Variants in TAFA4 observed in about 807,000 individuals in gnomAD.
The protein encoded by TAFA4 is TAFA chemokine like family member 4.
Under a neutral mutation model 21.1 loss-of-function variants are expected in TAFA4, and 20 were observed. The observed-to-expected ratio is 0.95, with a 90% CI of 0.67 to 1.38. TAFA4 has a LOEUF of 1.38. Among genes scored for constraint, TAFA4 ranks in the 40% most tolerant of loss-of-function variants. The pLI, the probability that TAFA4 is intolerant of heterozygous loss-of-function variation, is 0.00. For synonymous variants in TAFA4, 71 were observed against 67.4 expected (o/e 1.05, Z -0.26); for missense variants, 211 against 180.9 (o/e 1.17, Z -0.95).
chr3:68,847,247 T>C (rs1175861776), intron 3 of TAFA4, among the ~76,000 whole-genome samples: 2 of 152,230 alleles, frequency 1.3e-5, no homozygotes, highest in Non-Finnish European at 2.9e-5. Context: ...GGAAGTCTGC[T>C]TACAGTGGCT....
intron 3 of TAFA4, among the ~76,000 whole-genome samples, chr3:68,846,694 T>C (rs1704808310): frequency 6.6e-6 from 1 of 152,192 alleles, no homozygotes; most frequent in Admixed American, 6.5e-5. Flanking sequence ...GACCTTTGGA[T>C]GGGCTTTCTG....
At chr3:68,926,057 C>T (rs892461899) in intron 1 of TAFA4, among the ~76,000 whole-genome samples, 5 of 152,022 alleles carry the variant, frequency 3.3e-5, no homozygotes, top group African/African-American at 1.2e-4. Context: ...CATGGTGAAA[C>T]CCCGTCTCTA....
intron 3 of TAFA4, among the ~76,000 whole-genome samples, chr3:68,868,087 T>C (rs1419012150): frequency 4.6e-5 from 7 of 151,864 alleles, no homozygotes; most frequent in Non-Finnish European, 5.9e-5. Flanking sequence ...AACCCAACTA[T>C]AAGCTGCCTA....
intron 3 of TAFA4, among the ~76,000 whole-genome samples, chr3:68,856,417 T>C (rs1705070593): frequency 6.6e-6 from 1 of 152,190 alleles, no homozygotes. Flanking sequence ...CACAGTTGCT[T>C]ATACAACATT....
chr3:68,846,811 C>T lies in TAFA4; in HGVS notation c.130+33919G>A, dbSNP rs909492416. Among the ~76,000 whole-genome samples the T allele has an allele frequency of 3.3e-5, 5 of 152,148 alleles. No homozygotes were observed. The East Asian group carries it at 5.8e-4, about 18-fold the overall frequency. On this transcript the variant is annotated intron_variant, in intron 3 of 5. Coordinates refer to ENST00000295569, the MANE Select transcript of TAFA4 (RefSeq NM_182522.5). ...GGTCTGCTGGAATTTGCTGGAGGTC[C>T]GCTCCAGACCCTGTTTGCCTGGGTA...
intron 3 of TAFA4, among the ~76,000 whole-genome samples, chr3:68,783,840 A>T (rs1192475566): frequency 1.3e-5 from 2 of 152,170 alleles, no homozygotes; most frequent in African/African-American, 4.8e-5. Flanking sequence ...AAATAAAAAG[A>T]TTGTTGAGAC....
Position 68,805,721 on chromosome 3 carries a change from C to T in TAFA4, c.131-52703G>A, listed in dbSNP as rs1315917728. 2.6e-5 allele frequency among the ~76,000 whole-genome samples: 4 copies of T among 151,860 alleles called. No individual in the cohort carries two copies. The South Asian group carries it at 6.2e-4, about 24-fold the overall frequency. On this transcript the variant is annotated intron_variant, in intron 3 of 5. Coordinates refer to ENST00000295569, the MANE Select transcript of TAFA4 (RefSeq NM_182522.5). ...ATCACAAGGACAAAAAACCAAACAC[C>T]GCGTGTTCTCACTCATAGGTGGGAA...
chr3:68,860,859 C>T (rs2089328051), intron 3 of TAFA4, among the ~76,000 whole-genome samples: 1 of 152,098 alleles, frequency 6.6e-6, no homozygotes, highest in Non-Finnish European at 1.5e-5. Flanking sequence ...ATCACATCAT[C>T]ATTGGGCTGT....
chr3:68,828,750 T>C (rs1704311869), intron 3 of TAFA4, among the ~76,000 whole-genome samples: 1 of 152,210 alleles, frequency 6.6e-6, no homozygotes, highest in African/African-American at 2.4e-5. Context: ...TCTGCTGAAG[T>C]TGCTTATCAG....
chr3:68,796,953 A>G (rs1703463962), intron 3 of TAFA4, among the ~76,000 whole-genome samples: 1 of 152,228 alleles, frequency 6.6e-6, no homozygotes, highest in South Asian at 2.1e-4. Context: ...CTTTCATTAC[A>G]ATGACTACTA....
intron 4 of TAFA4, among the ~76,000 whole-genome samples, chr3:68,741,274 A>T (rs535588220): frequency 1.2e-4 from 19 of 152,196 alleles, no homozygotes; most frequent in African/African-American, 4.6e-4. Flanking sequence ...CGAACACAGG[A>T]TATTGTTCTG....
At chr3:68,861,283 G>A (rs2089341225) in intron 3 of TAFA4, among the ~76,000 whole-genome samples, 1 of 151,756 alleles carries the variant, frequency 6.6e-6, no homozygotes, top group African/African-American at 2.4e-5. Context: ...TGGAATCTTA[G>A]TACATCCTTC....
intron 3 of TAFA4, among the ~76,000 whole-genome samples, chr3:68,813,494 A>T (rs923631898): frequency 1.3e-5 from 2 of 152,222 alleles, no homozygotes; most frequent in Non-Finnish European, 2.9e-5. Context: ...ACCACCACCG[A>T]TCCCACAGAA....
intron 3 of TAFA4, among the ~76,000 whole-genome samples, chr3:68,872,677 C>A (rs1388304987): frequency 6.6e-6 from 1 of 152,056 alleles, no homozygotes. Flanking sequence ...AAGATATGCA[C>A]AACTATTATG....
At position 68,839,377 on chromosome 3, in the gene TAFA4, T is replaced by C. The variant is rs558483989; in HGVS notation, c.130+41353A>G. Reference sequence around the variant, plus strand: ...AGTTACATTATTATATGGGGAATAGTGTTAACACCATTTGAGCACATTAGA... The same window carrying C: ...AGTTACATTATTATATGGGGAATAGCGTTAACACCATTTGAGCACATTAGA... On this transcript the variant is annotated intron_variant, in intron 3 of 5. Transcript: ENST00000295569. 3.9e-5 allele frequency among the ~76,000 whole-genome samples: 6 copies of C among 152,308 alleles called. No homozygotes were observed. In the South Asian group the frequency reaches 1.2e-3, roughly 32 times the overall value.
chr3:68,864,216 T>A (rs2089387812), intron 3 of TAFA4, among the ~76,000 whole-genome samples: 1 of 152,146 alleles, frequency 6.6e-6, no homozygotes, highest in Non-Finnish European at 1.5e-5. Context: ...AAAGGAATTA[T>A]ATCAAGAATA....
At chr3:68,842,066 A>G (rs1348513368) in intron 3 of TAFA4, among the ~76,000 whole-genome samples, 1 of 152,162 alleles carries the variant, frequency 6.6e-6, no homozygotes, top group Non-Finnish European at 1.5e-5. Context: ...ATACACAGTA[A>G]TGGGACTGCT....
intron 3 of TAFA4, among the ~76,000 whole-genome samples, chr3:68,856,325 T>C (rs1027677251): frequency 2.0e-5 from 3 of 152,174 alleles, no homozygotes; most frequent in African/African-American, 7.2e-5. Context: ...GCTTTATTAT[T>C]TGTGTCATTT....
At chr3:68,835,448 T>G (rs890936420) in intron 3 of TAFA4, among the ~76,000 whole-genome samples, 1 of 152,218 alleles carries the variant, frequency 6.6e-6, no homozygotes, top group African/African-American at 2.4e-5. Context: ...CGTAGAAGTA[T>G]ATGATAAAAA....
Sources: allele counts gnomAD v4.1 joint callset (sites outside exome capture counted in the v4.1 genomes callset), GRCh38; gene constraint gnomAD v4.1.1; transcripts MANE v1.5; gene names NCBI Gene and HGNC (gene_info 2026-07-23, HGNC 2026-07-21).